The following KIF26A variants were observed in gnomAD, a reference collection of about 807,000 sequenced individuals.
KIF26A encodes kinesin-like protein KIF26A.
KIF26A carries 74 observed loss-of-function variants against 126.0 expected under a neutral mutation model. The ratio of observed to expected loss-of-function variants is 0.59; its 90% CI spans 0.49 to 0.71. KIF26A has a LOEUF of 0.71. Among genes scored for constraint, KIF26A ranks in the 30% least tolerant of loss-of-function variants. KIF26A has a pLI of 0.00. For synonymous variants in KIF26A, 1,445 were observed against 1,232.7 expected (o/e 1.17, Z -3.61); for missense variants, 2,984 against 2,763.3 (o/e 1.08, Z -1.79).
intron 4 of KIF26A, among the ~76,000 whole-genome samples, chr14:104,161,101 C>T (rs1446581855): frequency 6.6e-6 from 1 of 152,254 alleles, no homozygotes; most frequent in South Asian, 2.1e-4. Flanking sequence ...GTCTTCTGGC[C>T]TGTGGGTGAA....
At position 104,148,752 on chromosome 14, in the gene KIF26A, G is replaced by GCAGT. The variant is rs1416035912; in HGVS notation, c.289-3258_289-3255dup. On this transcript the variant is annotated intron_variant, in intron 2 of 14. Coordinates refer to ENST00000423312, the MANE Select transcript of KIF26A (RefSeq NM_015656.2). This position sits in a 1 kb window ranked among gnomAD's most constrained non-coding sequence, Gnocchi z 4.3. Reference sequence around the variant, plus strand: ...GCGTCTGGGGTCTGCTGTGCGGGGAGCAGTCAGTGGTGTGGGAGACCCTCG... The same window carrying GCAGT: ...GCGTCTGGGGTCTGCTGTGCGGGGAGCAGTCAGTCAGTGGTGTGGGAGACCCTCG... 6.6e-6 allele frequency among the ~76,000 whole-genome samples: 1 copy of GCAGT among 152,130 alleles called. No individual in the cohort carries two copies. The highest frequency in any genetic ancestry group is 1.5e-5 in the Non-Finnish European group (1 of 68,012).
chr14:104,173,132 C>G lies in KIF26A; in HGVS notation c.1576C>G (p.Arg526Gly), dbSNP rs781282857. Residue 526 changes from arginine (R) to glycine (G), a missense_variant, in exon 8 of 15, where the codon CGC becomes GGC. Coordinates refer to ENST00000423312, the MANE Select transcript of KIF26A (RefSeq NM_015656.2). ...GGTCTCAGCCGTGGAGGTGTGCGGG[C>G]GCGACCAGAGCCTGCGGGACCTGCT... Reference protein sequence around the residue: ...VRVSAVEVCGRDQSLRDLLAE... With the variant: ...VRVSAVEVCGGDQSLRDLLAE... 2.8e-5 allele frequency: 45 copies of G among 1,608,784 alleles called. No homozygotes were observed. Among genetic ancestry groups the G allele is most frequent in the Non-Finnish European group, 3.5e-5 (41 of 1,178,464 alleles).
chr14:104,176,264 G>A lies in KIF26A; in HGVS notation c.3476G>A (p.Gly1159Glu). 3.1e-6 allele frequency: 5 copies of A among 1,595,986 alleles called. No individual in the cohort carries two copies. Among genetic ancestry groups the A allele is most frequent in the Non-Finnish European group, 4.3e-6 (5 of 1,171,264 alleles). ...LDGSLGDGSS[G>E]FLGPDRPDSP... ...GGTTCCCTGGGGGATGGAAGCTCTG[G>A]GTTCCTGGGGCCAGACAGACCTGAC... The change falls in exon 12 of 15, where the codon GGG becomes GAG. Residue 1159 changes from glycine to glutamate, a missense_variant. By Grantham distance (98) the Gly-to-Glu change is moderately conservative. Coordinates refer to ENST00000423312, the MANE Select transcript of KIF26A (RefSeq NM_015656.2).
At chr14:104,173,581 C>T in intron 9 of KIF26A, 68 bp downstream of exon 9, 21 of 1,504,398 alleles carry the variant, frequency 1.4e-5, no homozygotes, top group South Asian at 1.0e-4. Context: ...GGCACAGGGG[C>T]CTGTCATCCA....
At chr14:104,155,707 G>A (rs940307116) in intron 3 of KIF26A, among the ~76,000 whole-genome samples, 3 of 152,264 alleles carry the variant, frequency 2.0e-5, no homozygotes, top group African/African-American at 4.8e-5. Flanking sequence ...CGCGTGGGAC[G>A]GTGGAGCCGA....
rs774016803 is a variant in KIF26A, at chr14:104,174,139, G to T, written c.2031-9G>T. 2 of 1,553,014 alleles carry T rather than the reference G, an allele frequency of 1.3e-6. No homozygotes were observed. Among genetic ancestry groups the T allele is most frequent in the East Asian group, 4.6e-5 (2 of 43,090 alleles). Reference sequence around the variant, plus strand: ...AAGGCCTTGGCATCTGAACCGCCTCGACCCGCAGGGACCACAGGCTCACCA... The same window carrying T: ...AAGGCCTTGGCATCTGAACCGCCTCTACCCGCAGGGACCACAGGCTCACCA... On this transcript the variant is annotated splice_polypyrimidine_tract_variant and intron_variant, in intron 10 of 14. Coordinates refer to ENST00000423312, the MANE Select transcript of KIF26A (RefSeq NM_015656.2).
At chr14:104,167,183 G>A in intron 5 of KIF26A, 135 bp downstream of exon 5, 1 of 982,546 alleles carries the variant, frequency 1.0e-6, no homozygotes, top group Non-Finnish European at 1.4e-6. Flanking sequence ...GGGGTGCCAT[G>A]GGGAGACTGA....
intron 9 of KIF26A, 91 bp from the exon 10 acceptor site, chr14:104,173,615 G>C: frequency 6.5e-7 from 1 of 1,537,584 alleles, no homozygotes; most frequent in Non-Finnish European, 8.8e-7. Flanking sequence ...ATGTCCCTGG[G>C]GTTGTCCCCA....
At position 104,166,183 on chromosome 14, in the gene KIF26A, G is replaced by GGCCCAGGA. The variant is rs1555389016; in HGVS notation, c.924-673_924-666dup. 7.2e-3 allele frequency among the ~76,000 whole-genome samples: 1,047 copies of GGCCCAGGA among 146,092 alleles called. 3 individuals are homozygous for GGCCCAGGA. The highest frequency in any genetic ancestry group is 0.017 in the Middle Eastern group (5 of 286). ...AGCCCTGAGTGACGAGGGTGGCAGG[G>GGCCCAGGA]GCCCAGGAGCTGGGCAGTGGCTCCA... On this transcript the variant is annotated intron_variant, in intron 4 of 14. Transcript: ENST00000423312.
intron 4 of KIF26A, among the ~76,000 whole-genome samples, chr14:104,166,310 C>T (rs1197314541): frequency 1.3e-5 from 2 of 152,256 alleles, no homozygotes; most frequent in South Asian, 4.1e-4. Context: ...TAATTGAGCC[C>T]TTCCTGTATG....
intron 4 of KIF26A, among the ~76,000 whole-genome samples, chr14:104,166,367 C>A (rs1005428466): frequency 1.3e-5 from 2 of 152,122 alleles, no homozygotes; most frequent in Non-Finnish European, 2.9e-5. Context: ...ATTAGGGCCA[C>A]ACAGAGGCCT....
intron 3 of KIF26A, among the ~76,000 whole-genome samples, chr14:104,156,013 G>T (rs774946002): frequency 2.0e-5 from 3 of 152,224 alleles, no homozygotes; most frequent in African/African-American, 7.2e-5. Context: ...TGCCAAATGT[G>T]GCCCCACGGT....
intron 2 of KIF26A, among the ~76,000 whole-genome samples, chr14:104,150,699 G>C (rs760879294): frequency 1.1e-3 from 163 of 152,316 alleles, no homozygotes; most frequent in Non-Finnish European, 1.6e-3. Flanking sequence ...TGGCCAACAG[G>C]GTGGCTGCAT....
At chr14:104,142,057 G>A (rs920593858) in intron 2 of KIF26A, among the ~76,000 whole-genome samples, 13 of 151,980 alleles carry the variant, frequency 8.6e-5, no homozygotes, top group Non-Finnish European at 1.9e-4. Flanking sequence ...GTGTGCTCTT[G>A]TCTGCCTGAG....
In KIF26A at chr14:104,148,876, G is replaced by A. The variant is rs371884187; in HGVS notation, c.289-3139G>A. On this transcript the variant is annotated intron_variant, in intron 2 of 14. Transcript: ENST00000423312. This position sits in a 1 kb window ranked among gnomAD's most constrained non-coding sequence, Gnocchi z 4.3. ...CCCTGGAGCCCTGAGTGCTGGTCCC[G>A]TGTGCTGAGTGGGGTGCCGAGTTCT... Among the ~76,000 whole-genome samples the A allele has an allele frequency of 8.9e-4, 135 of 152,274 alleles. 2 individuals carry two copies. In the South Asian group the frequency reaches 0.011, roughly 12 times the overall value.
In KIF26A at chr14:104,175,920, G is replaced by T. The variant is rs752589282; in HGVS notation, c.3132G>T (p.Ala1044=). Residue 1044 remains alanine (A), a synonymous_variant, in exon 12 of 15, where the codon GCG becomes GCT. Transcript: ENST00000423312. Reference sequence around the variant, plus strand: ...TGGTGGAGGAGCTGTCCCTGGGGGCGCTTGCCGGAGCTGGGCGGCCCACCA... The same window carrying T: ...TGGTGGAGGAGCTGTCCCTGGGGGCTCTTGCCGGAGCTGGGCGGCCCACCA... ...FTVVEELSLG[A]LAGAGRPTSL... is the part of the protein sequence containing the mutation. The T allele has an allele frequency of 1.9e-6, 3 of 1,548,746 alleles. No individual in the cohort carries two copies. The highest frequency in any genetic ancestry group is 2.6e-6 in the Non-Finnish European group (3 of 1,152,662).
intron 7 of KIF26A, 147 bp from the exon 8 acceptor site, chr14:104,172,830 C>A (rs1004510501): frequency 4.1e-6 from 5 of 1,217,894 alleles, no homozygotes; most frequent in Non-Finnish European, 1.1e-6. Context: ...AGCTGAACCC[C>A]TGCCGAACTG....
At position 104,177,796 on chromosome 14, in the gene KIF26A, A is replaced by G. The variant is rs1442564100; in HGVS notation, c.5008A>G (p.Thr1670Ala). 6.4e-7 allele frequency: 1 copy of G among 1,557,750 alleles called. No homozygotes were observed. Among genetic ancestry groups the G allele is most frequent in the East Asian group, 2.4e-5 (1 of 42,358 alleles). ...YESLRRDSEA[T>A]GSASSAPDSM... ...GAGCCTGCGGCGCGACAGCGAGGCC[A>G]CCGGCAGCGCCTCCTCCGCCCCTGA... Residue 1670 changes from threonine (T) to alanine (A), a missense_variant, in exon 12 of 15, where the codon ACC (threonine) becomes GCC (alanine). Thr to Ala is a moderately conservative substitution (Grantham distance 58). Coordinates refer to ENST00000423312, the MANE Select transcript of KIF26A (RefSeq NM_015656.2).
intron 5 of KIF26A, among the ~76,000 whole-genome samples, chr14:104,169,982 C>T (rs554482827): frequency 3.4e-4 from 52 of 152,294 alleles, no homozygotes; most frequent in Non-Finnish European, 6.3e-4. Context: ...GCTAGATGGG[C>T]GGTGCCCCCA....
Sources: allele counts gnomAD v4.1 joint callset (sites outside exome capture counted in the v4.1 genomes callset), GRCh38; gene constraint gnomAD v4.1.1; non-coding constraint Gnocchi (gnomAD v3.1); transcripts MANE v1.5; gene names NCBI Gene and HGNC (gene_info 2026-07-23, HGNC 2026-07-21).